NOD1: variants seen among roughly 807,000 people sequenced by gnomAD.
NOD1 encodes nucleotide binding oligomerization domain containing 1, also known as nucleotide-binding oligomerization domain-containing protein 1.
NOD1 carries 70 observed loss-of-function variants against 81.2 expected under a neutral mutation model. The ratio of observed to expected loss-of-function variants is 0.86; its 90% CI spans 0.71 to 1.05. The LOEUF (loss-of-function observed/expected upper bound fraction) is 1.05. NOD1 is among the 50% of genes least tolerant of loss of function. NOD1 has a pLI of 0.00. For missense variants in NOD1, 1,233 were observed against 1,228.0 expected (o/e 1.00, Z -0.06); for synonymous variants, 508 against 526.9 (o/e 0.96, Z 0.49).
intron 13 of NOD1, among the ~76,000 whole-genome samples, chr7:30,426,456 G>A (rs539816711): frequency 2.0e-5 from 3 of 151,426 alleles, no homozygotes; most frequent in African/African-American, 7.3e-5. Context: ...GTCTTTGGCC[G>A]GCCATCTTGG....
intron 1 of NOD1, among the ~76,000 whole-genome samples, chr7:30,474,472 C>T (rs1402521539): frequency 2.0e-5 from 3 of 152,192 alleles, no homozygotes; most frequent in East Asian, 1.9e-4. Flanking sequence ...CCACAGACAG[C>T]GGCGAGTAGG....
At chr7:30,429,797 C>T (rs780904325) in intron 12 of NOD1, among the ~76,000 whole-genome samples, 16 of 152,084 alleles carry the variant, frequency 1.1e-4, no homozygotes, top group African/African-American at 1.9e-4. Context: ...TTTGGGAGGC[C>T]GAGGTGGGTG....
chr7:30,448,455 TC>T, intron 6 of NOD1, 74 bp from the exon 7 acceptor site: 1 of 1,287,526 alleles, frequency 7.8e-7, no homozygotes, highest in Non-Finnish European at 1.1e-6. Flanking sequence ...CTTACAAAGA[TC>T]CAGAAGCCTT....
chr7:30,461,777 C>A (rs1436191427), intron 1 of NOD1, among the ~76,000 whole-genome samples: 3 of 152,182 alleles, frequency 2.0e-5, no homozygotes, highest in Non-Finnish European at 4.4e-5. Context: ...CTCGCTCTGT[C>A]ACCCAGGCGG....
intron 12 of NOD1, 73 bp downstream of exon 12, chr7:30,433,023 G>T (rs1211995509): frequency 1.8e-6 from 2 of 1,111,824 alleles, no homozygotes; most frequent in African/African-American, 1.6e-5. Flanking sequence ...GAATTTTACA[G>T]TATGTAAATT....
intron 3 of NOD1, among the ~76,000 whole-genome samples, chr7:30,457,803 T>C (rs1320203234): frequency 6.6e-6 from 1 of 151,976 alleles, no homozygotes; most frequent in African/African-American, 2.4e-5. Context: ...AAGTCTCCTG[T>C]GGTAGCCAGA....
At chr7:30,437,174 T>C (rs543127899) in intron 10 of NOD1, among the ~76,000 whole-genome samples, 1 of 150,290 alleles carries the variant, frequency 6.7e-6, no homozygotes, top group Admixed American at 6.6e-5. Context: ...AGTTGAACAA[T>C]GAGAACACAT....
In NOD1 at chr7:30,451,197, C is replaced by A; in HGVS notation, c.2201+19G>T. ...GCCCGCCCGGCCCACCTGTTGCTCC[C>A]CTTGCCTGGCAGCCTCACCTGAGAA... On this transcript the variant is annotated intron_variant, in intron 6 of 13. Transcript: ENST00000222823. The surrounding 1 kb of genome is among the most constrained non-coding windows in gnomAD (Gnocchi z 4.2). 1 of 1,605,806 alleles carries A rather than the reference C, an allele frequency of 6.2e-7. No homozygotes were observed. The highest frequency in any genetic ancestry group is 1.1e-5 in the South Asian group (1 of 90,578).
chr7:30,437,360 T>TC (rs1197618781), intron 10 of NOD1, among the ~76,000 whole-genome samples: 8 of 152,188 alleles, frequency 5.3e-5, no homozygotes, highest in African/African-American at 1.9e-4. Context: ...CTGCACATCT[T>TC]CTACATGTAT....
At position 30,451,506 on chromosome 7, in the gene NOD1, G is replaced by T. The variant is rs994480424; in HGVS notation, c.1911C>A (p.Arg637=). Residue 637 remains arginine (R), a synonymous_variant, in exon 6 of 14, where the codon CGC becomes CGA. Transcript: ENST00000222823. The surrounding 1 kb of genome is among the most constrained non-coding windows in gnomAD (Gnocchi z 4.2). ...SLRGYLKSLP[R]VQVESFNQVQ... The stretch of plus-strand genomic sequence containing the variant: ...CCTGGTTGAAGCTTTCGACCTGAAC[G>T]CGGGGCAGGCTCTTCAGGTAGCCCC... The T allele has an allele frequency of 1.2e-6, 2 of 1,613,006 alleles. No individual in the cohort carries two copies. The highest frequency in any genetic ancestry group is 1.3e-5 in the African/African-American group (1 of 74,936).
chr7:30,472,445 C>T (rs1365069717), intron 1 of NOD1, among the ~76,000 whole-genome samples: 1 of 152,248 alleles, frequency 6.6e-6, no homozygotes, highest in Non-Finnish European at 1.5e-5. Flanking sequence ...TAGTTCTGCT[C>T]TGATCTCCTG....
In NOD1 at chr7:30,452,809, T is replaced by A; in HGVS notation, c.608A>T (p.Asp203Val). ...EQGETIFILG[D>V]AGVGKSMLLQ... ...CAGCATGGACTTGCCCACCCCAGCATCACCCAGGATGAAGATGGTCTCACC... is the reference window on the plus strand; with the variant it reads ...CAGCATGGACTTGCCCACCCCAGCAACACCCAGGATGAAGATGGTCTCACC... Residue 203 changes from aspartate (D) to valine (V), a missense_variant, in exon 6 of 14, where the codon GAT (aspartate) becomes GTT (valine). Transcript: ENST00000222823. The A allele has an allele frequency of 6.2e-7, 1 of 1,614,140 alleles. No homozygotes were observed. Among genetic ancestry groups the A allele is most frequent in the Non-Finnish European group, 8.5e-7 (1 of 1,180,026 alleles).
chr7:30,468,715 AC>A (rs1215571432), intron 1 of NOD1: 1 of 626,110 alleles, frequency 1.6e-6, no homozygotes. Context: ...GGCTCCACCA[AC>A]CCCCAACATA....
At chr7:30,466,281 A>C (rs1243088826) in intron 1 of NOD1, among the ~76,000 whole-genome samples, 1 of 152,090 alleles carries the variant, frequency 6.6e-6, no homozygotes, top group East Asian at 1.9e-4. Context: ...ACAGGCTTTA[A>C]CTCATGAAAC....
intron 1 of NOD1, chr7:30,469,275 C>G (rs1052774264): frequency 4.2e-5 from 41 of 975,956 alleles, no homozygotes; most frequent in Admixed American, 6.2e-5. Context: ...TTATTGGAAG[C>G]TTTTTAACTC....
chr7:30,427,202 T>C (rs1044698427), intron 13 of NOD1, among the ~76,000 whole-genome samples: 4 of 152,178 alleles, frequency 2.6e-5, no homozygotes, highest in Admixed American at 2.6e-4. Flanking sequence ...CTGGAGGAGA[T>C]AGCCTCACAG....
intron 3 of NOD1, among the ~76,000 whole-genome samples, chr7:30,458,801 A>G (rs1408584301): frequency 6.6e-6 from 1 of 151,592 alleles, no homozygotes; most frequent in African/African-American, 2.4e-5. Context: ...CAGTGGCACA[A>G]TCTCGGCTCA....
intron 1 of NOD1, among the ~76,000 whole-genome samples, chr7:30,471,048 G>A (rs371898138): frequency 2.0e-5 from 3 of 148,774 alleles, no homozygotes; most frequent in East Asian, 1.9e-4. Context: ...AGTTGAAACC[G>A]GGCCCACAGC....
rs145546882 is a variant in NOD1, at chr7:30,434,542, T to C, written c.2622-1363A>G. Among the ~76,000 whole-genome samples the C allele has an allele frequency of 1.5e-4, 23 of 152,342 alleles. No individual in the cohort carries two copies. The East Asian group carries it at 4.2e-3, about 28-fold the overall frequency. On this transcript the variant is annotated intron_variant, in intron 11 of 13. Coordinates refer to ENST00000222823, the MANE Select transcript of NOD1 (RefSeq NM_006092.4). ...GTAAAGTATGTGATTACAATATTTT[T>C]AGAGCCACTGCTTGAATGCTATTCT...
Sources: gnomAD v4.1 joint callset for allele counts (sites outside exome capture counted in the v4.1 genomes callset) on GRCh38, gnomAD v4.1.1 for gene constraint, Gnocchi (gnomAD v3.1) non-coding constraint, MANE v1.5 for transcripts, NCBI Gene and HGNC (gene_info 2026-07-23, HGNC 2026-07-21) for gene names.